BRD4: variants seen among roughly 807,000 people sequenced by gnomAD.
BRD4 encodes the protein bromodomain containing 4, also known as bromodomain-containing protein 4.
Under a neutral mutation model 142.1 loss-of-function variants are expected in BRD4, and 16 were observed. The observed-to-expected ratio is 0.11, with a 90% CI of 0.08 to 0.17. The LOEUF (loss-of-function observed/expected upper bound fraction) is 0.17, where lower values mean the gene tolerates loss of function less well. Among genes scored for constraint, BRD4 ranks in the 10% least tolerant of loss-of-function variants. BRD4 has a pLI of 1.00. For synonymous variants in BRD4, 833 were observed against 707.5 expected, an observed-to-expected ratio of 1.18 and a Z score of -2.82; for missense variants, 1,424 against 1,810.9, an observed-to-expected ratio of 0.79 and a Z score of 3.88.
At chr19:15,269,139 G>C in intron 2 of BRD4, 97 bp from the exon 3 acceptor site, 1 of 1,398,964 alleles carries the variant, frequency 7.1e-7, no homozygotes, top group Non-Finnish European at 9.7e-7. Context: ...ACCCCTGGCT[G>C]CTCCACAGGT....
chr19:15,289,945 C>T (rs925553708), intron 1 of BRD4, among the ~76,000 whole-genome samples: 6 of 152,204 alleles, frequency 3.9e-5, no homozygotes, highest in African/African-American at 7.2e-5. Context: ...GAAGGCTTTC[C>T]AACGAAGCAG....
chr19:15,265,510 G>C lies in BRD4; in HGVS notation c.693C>G (p.Asp231Glu). The C allele has an allele frequency of 6.2e-7, 1 of 1,613,834 alleles. No individual in the cohort carries two copies. The highest frequency in any genetic ancestry group is 1.7e-5 in the Admixed American group (1 of 59,998). ...TCATGACAGGGGTCTGGACGATGAG[G>C]TCCGGGGTGACGGCAGGGAAGGGGT... Reference protein sequence around the residue: ...TPHPFPAVTPDLIVQTPVMTV... With the variant: ...TPHPFPAVTPELIVQTPVMTV... The change falls in exon 5 of 20, where the codon GAC becomes GAG. Residue 231 changes from aspartate to glutamate, a missense_variant. Coordinates refer to ENST00000679869, the MANE Select transcript of BRD4 (RefSeq NM_001379291.1).
At chr19:15,247,565 C>T (rs532181010) in intron 11 of BRD4, 3 of 232,916 alleles carry the variant, frequency 1.3e-5, no homozygotes, top group African/African-American at 2.2e-5. Context: ...CACGTGTGTG[C>T]GCGTGCGTGC....
intron 1 of BRD4, among the ~76,000 whole-genome samples, chr19:15,284,316 T>C (rs1846256261): frequency 6.6e-6 from 1 of 152,106 alleles, no homozygotes; most frequent in South Asian, 2.1e-4. Flanking sequence ...GAACGCAGAA[T>C]GTGACACTAA....
Position 15,264,558 on chromosome 19 carries a change from T to G in BRD4, c.1058A>C (p.Gln353Pro). 6.2e-7 allele frequency: 1 copy of G among 1,614,248 alleles called. No individual in the cohort carries two copies. Among genetic ancestry groups the G allele is most frequent in the Non-Finnish European group, 8.5e-7 (1 of 1,180,054 alleles). The change falls in exon 6 of 20, where the codon CAG (glutamine) becomes CCG (proline). Residue 353 changes from glutamine (Q) to proline (P), a missense_variant. By Grantham distance (76) the Gln-to-Pro change is moderately conservative. Transcript: ENST00000679869. ...GAGGATGCCGCTGCAGCACTTGAGC[T>G]GCTCCGAGACCTTGCTGCTCTTCTC... is the stretch of plus-strand genomic sequence containing the variant. ...APEKSSKVSEQLKCCSGILKE... is the reference protein window; with the variant it reads ...APEKSSKVSEPLKCCSGILKE...
chr19:15,331,842 C>G (rs1403256370), intron 1 of BRD4: 1 of 147,358 alleles, frequency 6.8e-6, no homozygotes. Context: ...TTACCCGGGC[C>G]GGGCGCGCCG....
intron 1 of BRD4, among the ~76,000 whole-genome samples, chr19:15,292,530 A>T (rs2047789691): frequency 6.6e-6 from 1 of 152,120 alleles, no homozygotes; most frequent in Non-Finnish European, 1.5e-5. Flanking sequence ...TGTAATCCCA[A>T]CACTCTGGGA....
Position 15,243,251 on chromosome 19 carries a change from G to T in BRD4, c.2818C>A (p.Pro940Thr). 1 of 1,454,944 alleles carries T rather than the reference G, an allele frequency of 6.9e-7. No homozygotes were observed. The highest frequency in any genetic ancestry group is 2.3e-5 in the East Asian group (1 of 42,616). The allele number at this position is 1,454,944 out of a possible 1,614,324, so 90.1% of individuals were successfully genotyped here. ...LYLQQLQKVQ[P>T]PTPLLPSVKV... ...ACGGAAGGGAGTAGCGGCGTAGGGG[G>T]CTGCACCTTCTGCAGCTGCTGCAGG... The change falls in exon 14 of 20, where the codon CCC becomes ACC. Residue 940 changes from proline (P) to threonine (T), a missense_variant. Coordinates refer to ENST00000679869, the MANE Select transcript of BRD4 (RefSeq NM_001379291.1).
rs201905395 is a variant in BRD4, at chr19:15,263,542, G to C, written c.1219C>G (p.Leu407Val). Reference protein sequence around the residue: ...PMDMSTIKSKLEAREYRDAQE... With the variant: ...PMDMSTIKSKVEAREYRDAQE... The stretch of plus-strand genomic sequence containing the variant: ...GCATCACGGTACTCACGGGCCTCCA[G>C]TTTAGACTGGAAAACAAGACAAGTC... Residue 407 changes from leucine (L) to valine (V), a missense_variant, in exon 7 of 20, where the codon CTG becomes GTG. Around this residue, in one of 16 missense-constraint regions of BRD4, gnomAD observed 26 missense variants for 20.2 expected, o/e 1.29. Coordinates refer to ENST00000679869, the MANE Select transcript of BRD4 (RefSeq NM_001379291.1). 1 of 1,614,204 alleles carries C rather than the reference G, an allele frequency of 6.2e-7. No homozygotes were observed. Among genetic ancestry groups the C allele is most frequent in the Non-Finnish European group, 8.5e-7 (1 of 1,180,012 alleles).
chr19:15,301,399 A>G (rs190269249), intron 1 of BRD4, among the ~76,000 whole-genome samples: 3 of 152,182 alleles, frequency 2.0e-5, no homozygotes, highest in Non-Finnish European at 2.9e-5. Context: ...CGCCTCTACT[A>G]AAAATACAAA....
At chr19:15,284,797 A>G (rs1232518735) in intron 1 of BRD4, among the ~76,000 whole-genome samples, 1 of 152,208 alleles carries the variant, frequency 6.6e-6, no homozygotes, top group African/African-American at 2.4e-5. Flanking sequence ...TGAAACCCAC[A>G]CCACTTCAGA....
At chr19:15,243,812 C>T (rs983767505) in intron 13 of BRD4, among the ~76,000 whole-genome samples, 6 of 152,184 alleles carry the variant, frequency 3.9e-5, no homozygotes, top group Admixed American at 2.6e-4. Context: ...GGAAGGTGGC[C>T]CTGTCCCCAT....
At chr19:15,263,299 A>T in intron 7 of BRD4, 121 bp downstream of exon 7, 2 of 1,281,022 alleles carry the variant, frequency 1.6e-6, no homozygotes, top group Non-Finnish European at 2.2e-6. Flanking sequence ...TTCTAAAGCA[A>T]CATGGCATTA....
intron 11 of BRD4, among the ~76,000 whole-genome samples, chr19:15,249,652 A>G (rs2047323725): frequency 6.6e-6 from 1 of 152,012 alleles, no homozygotes; most frequent in Non-Finnish European, 1.5e-5. Context: ...TTTGAATTTG[A>G]GTGATGCCCC....
chr19:15,249,129 T>C (rs1361804490), intron 11 of BRD4: 3 of 1,340,180 alleles, frequency 2.2e-6, no homozygotes, highest in Admixed American at 2.0e-5. Flanking sequence ...ACATGACTAA[T>C]CCACCCCGGG....
At chr19:15,275,996 A>G (rs1356127509) in intron 1 of BRD4, among the ~76,000 whole-genome samples, 1 of 152,208 alleles carries the variant, frequency 6.6e-6, no homozygotes, top group African/African-American at 2.4e-5. Flanking sequence ...CTCCATCTCA[A>G]AAAAAGAAAA....
At chr19:15,315,561 C>G (rs1407609042) in intron 1 of BRD4, among the ~76,000 whole-genome samples, 1 of 152,100 alleles carries the variant, frequency 6.6e-6, no homozygotes, top group Non-Finnish European at 1.5e-5. Flanking sequence ...CTACAGTAAG[C>G]AGCACTTCAA....
Position 15,294,034 on chromosome 19 carries a change from G to A in BRD4, c.-34-20901C>T, listed in dbSNP as rs150076462. The stretch of plus-strand genomic sequence containing the variant: ...TACGATTCCCTGGAATCCCCAAAAC[G>A]CTAAGTGTCTTTTTGTAGGCTAATG... On this transcript the variant is annotated intron_variant, in intron 1 of 19. Transcript: ENST00000679869. Among the ~76,000 whole-genome samples, 406 of 152,294 alleles carry A rather than the reference G, an allele frequency of 2.7e-3. 1 individual carries two copies. The highest frequency in any genetic ancestry group is 0.013 in the Admixed American group (203 of 15,294).
intron 1 of BRD4, among the ~76,000 whole-genome samples, chr19:15,306,604 G>A (rs183322652): frequency 3.8e-4 from 58 of 152,226 alleles, no homozygotes; most frequent in Admixed American, 3.5e-3. Flanking sequence ...TGAGAGACGC[G>A]AGACCCTTCC....
Sources: allele counts gnomAD v4.1 joint callset (sites outside exome capture counted in the v4.1 genomes callset), GRCh38; gene constraint gnomAD v4.1.1; regional missense constraint gnomAD v4.1.1; transcripts MANE v1.5; gene names NCBI Gene and HGNC (gene_info 2026-07-23, HGNC 2026-07-21).